PHF21B: variants seen among roughly 807,000 people sequenced by gnomAD.
PHF21B encodes the protein PHD finger protein 21B.
In PHF21B, 22 loss-of-function variants were observed where a neutral mutation model predicts 62.2. That is an observed-to-expected ratio of 0.35 (90% CI 0.25 to 0.51). The LOEUF (loss-of-function observed/expected upper bound fraction) is 0.51, where lower values mean the gene tolerates loss of function less well. PHF21B is among the 20% of genes least tolerant of loss of function. The pLI is 0.97. For missense variants in PHF21B, 701 were observed against 707.9 expected (o/e 0.99, Z 0.11); for synonymous variants, 341 against 314.7 (o/e 1.08, Z -0.88).
At chr22:44,911,609 A>G (rs945774990) in intron 5 of PHF21B, among the ~76,000 whole-genome samples, 4 of 152,238 alleles carry the variant, frequency 2.6e-5, no homozygotes, top group Admixed American at 2.6e-4. Flanking sequence ...CTGCAGGTGC[A>G]GAGAAGTCAA....
At chr22:44,922,651 A>T (rs1475119531) in intron 2 of PHF21B, among the ~76,000 whole-genome samples, 1 of 152,218 alleles carries the variant, frequency 6.6e-6, no homozygotes, top group Non-Finnish European at 1.5e-5. Flanking sequence ...AGAAAAAAAA[A>T]ATCAGTTGTG....
At chr22:44,948,952 TC>T in intron 2 of PHF21B, among the ~76,000 whole-genome samples, 1 of 152,228 alleles carries the variant, frequency 6.6e-6, no homozygotes, top group Non-Finnish European at 1.5e-5. Flanking sequence ...ACAGATCCAT[TC>T]CTTCCCAGTT....
chr22:44,916,493 G>C lies in PHF21B; in HGVS notation c.351C>G (p.Asn117Lys). The change falls in exon 4 of 13, where the codon AAC (asparagine) becomes AAG (lysine). Residue 117 changes from asparagine (N) to lysine (K), a missense_variant. By Grantham distance (94) the Asn-to-Lys change is moderately conservative. Transcript: ENST00000313237. ...KNPSPALPTA[N>K]NTVSHVPAPG... Reference sequence around the variant, plus strand: ...GCGCTGGCACATGGCTGACAGTGTTGTTGGCGGTGGGGAGGGCTGGGCTGG... The same window carrying C: ...GCGCTGGCACATGGCTGACAGTGTTCTTGGCGGTGGGGAGGGCTGGGCTGG... 6.2e-7 allele frequency: 1 copy of C among 1,607,872 alleles called. No homozygotes were observed. Among genetic ancestry groups the C allele is most frequent in the Non-Finnish European group, 8.5e-7 (1 of 1,179,202 alleles).
At chr22:44,966,488 C>T (rs1010395870) in intron 2 of PHF21B, among the ~76,000 whole-genome samples, 6 of 152,180 alleles carry the variant, frequency 3.9e-5, no homozygotes, top group African/African-American at 1.2e-4. Flanking sequence ...AAAAGACAGG[C>T]CCCAGCACTG....
intron 2 of PHF21B, among the ~76,000 whole-genome samples, chr22:44,954,172 G>T (rs1423936963): frequency 6.6e-6 from 1 of 151,978 alleles, no homozygotes; most frequent in Admixed American, 6.6e-5. Flanking sequence ...TGCATTGTAC[G>T]TTTCGTTTCT....
intron 3 of PHF21B, among the ~76,000 whole-genome samples, chr22:44,920,056 G>A (rs190666814): frequency 1.2e-4 from 19 of 152,266 alleles, no homozygotes; most frequent in African/African-American, 4.1e-4. Flanking sequence ...TACACACGAC[G>A]GAGTCACCCA....
At chr22:44,981,092 C>T (rs918847713) in intron 2 of PHF21B, among the ~76,000 whole-genome samples, 1 of 152,076 alleles carries the variant, frequency 6.6e-6, no homozygotes. Flanking sequence ...TGGGGGTTGC[C>T]GTGTCTCTGG....
intron 7 of PHF21B, among the ~76,000 whole-genome samples, 168 bp downstream of exon 7, chr22:44,893,289 A>G (rs2070998579): frequency 6.6e-6 from 1 of 152,058 alleles, no homozygotes; most frequent in Non-Finnish European, 1.5e-5. Context: ...GTCAACTCGG[A>G]GGTGATGAGA....
At chr22:44,971,391 GC>G (rs1347930677) in intron 2 of PHF21B, 1 of 152,230 alleles carries the variant, frequency 6.6e-6, no homozygotes, top group Non-Finnish European at 1.5e-5. Flanking sequence ...CCTCCTCAGG[GC>G]CATTCGGGGT....
chr22:44,923,587 G>GA (rs1343931154), intron 2 of PHF21B, among the ~76,000 whole-genome samples: 1 of 151,928 alleles, frequency 6.6e-6, no homozygotes, highest in Non-Finnish European at 1.5e-5. Context: ...CCACACCCTG[G>GA]AAAAAAACAC....
intron 2 of PHF21B, among the ~76,000 whole-genome samples, chr22:44,933,301 G>A (rs1253939638): frequency 6.6e-6 from 1 of 152,166 alleles, no homozygotes; most frequent in Admixed American, 6.5e-5. Context: ...GGTAGAGACA[G>A]GGTTTCTCCA....
At chr22:45,007,458 G>A (rs1569289930) in intron 2 of PHF21B, among the ~76,000 whole-genome samples, 1 of 146,614 alleles carries the variant, frequency 6.8e-6, no homozygotes, top group Non-Finnish European at 1.5e-5. Context: ...GGCGCGCGGG[G>A]GCGGGCCCGG....
At chr22:44,886,058 C>T (rs1352622828) in intron 10 of PHF21B, 120 bp from the exon 11 acceptor site, 10 of 855,604 alleles carry the variant, frequency 1.2e-5, no homozygotes, top group South Asian at 1.6e-5. Context: ...GGTCCTCACC[C>T]GTGACCAGGA....
Position 44,896,059 on chromosome 22 carries a change from C to G in PHF21B, c.856G>C (p.Gly286Arg). 1 of 1,614,196 alleles carries G rather than the reference C, an allele frequency of 6.2e-7. No individual in the cohort carries two copies. Among genetic ancestry groups the G allele is most frequent in the Non-Finnish European group, 8.5e-7 (1 of 1,180,026 alleles). ...TCCAAATGTTCCGTGGTAACCAGGC[C>G]TAGCGCTACCATGAAGGCGATTTTC... ...PEKIAFMVAL[G>R]LVTTEHLEEI... The change falls in exon 6 of 13, where the codon GGC (glycine) becomes CGC (arginine). Residue 286 changes from glycine to arginine, a missense_variant. Coordinates refer to ENST00000313237, the MANE Select transcript of PHF21B (RefSeq NM_138415.5).
chr22:44,956,670 T>C (rs1183002062), intron 2 of PHF21B, among the ~76,000 whole-genome samples: 3 of 152,132 alleles, frequency 2.0e-5, no homozygotes, highest in Non-Finnish European at 2.9e-5. Flanking sequence ...CCAGGAGGTC[T>C]GAAGCCCAAG....
Position 44,916,344 on chromosome 22 carries a change from G to GTGCTGGGGGCCATGGCGGCGGCAT in PHF21B, c.476_499dup (p.Asn159_Ser166dup), listed in dbSNP as rs1307054370. Reference sequence around the variant, plus strand: ...GCTGTCACTGACCACAGACACGGCGGTGCTGGGGGCCATGGCGGCGGCATT... The same window carrying GTGCTGGGGGCCATGGCGGCGGCAT: ...GCTGTCACTGACCACAGACACGGCGGTGCTGGGGGCCATGGCGGCGGCATTGCTGGGGGCCATGGCGGCGGCATT... On this transcript the variant is annotated inframe_insertion, in exon 4 of 13. Coordinates refer to ENST00000313237, the MANE Select transcript of PHF21B (RefSeq NM_138415.5). 2 of 1,598,334 alleles carry GTGCTGGGGGCCATGGCGGCGGCAT rather than the reference G, an allele frequency of 1.3e-6. No homozygotes were observed. Among genetic ancestry groups the GTGCTGGGGGCCATGGCGGCGGCAT allele is most frequent in the African/African-American group, 2.7e-5 (2 of 74,242 alleles).
At chr22:44,923,006 C>T (rs1315748386) in intron 2 of PHF21B, among the ~76,000 whole-genome samples, 1 of 151,834 alleles carries the variant, frequency 6.6e-6, no homozygotes, top group Non-Finnish European at 1.5e-5. Flanking sequence ...TATAAGGGAC[C>T]TAGAATAGCC....
At position 44,914,042 on chromosome 22, in the gene PHF21B, C is replaced by T; in HGVS notation, c.611G>A (p.Cys204Tyr). ...GGGAAGAGAGGAGGGGTGGAGGGGA[C>T]AGTGATGGGTTGCGGGGTGAGGGGA... Reference protein sequence around the residue: ...LSSPHPATHHCPLHPSSLPLT... With the variant: ...LSSPHPATHHYPLHPSSLPLT... Residue 204 changes from cysteine (C) to tyrosine (Y), a missense_variant, in exon 5 of 13, where the codon TGT becomes TAT. Coordinates refer to ENST00000313237, the MANE Select transcript of PHF21B (RefSeq NM_138415.5). 1 of 1,230,548 alleles carries T rather than the reference C, an allele frequency of 8.1e-7. No individual in the cohort carries two copies. The highest frequency in any genetic ancestry group is 1.1e-6 in the Non-Finnish European group (1 of 885,236). The allele number at this position is 1,230,548 out of a possible 1,614,324, so 76.2% of individuals were successfully genotyped here.
At chr22:44,891,262 C>A (rs757029475) in intron 8 of PHF21B, 44 bp downstream of exon 8, 4 of 1,605,752 alleles carry the variant, frequency 2.5e-6, no homozygotes, top group African/African-American at 2.7e-5. Context: ...TGACTCCCCG[C>A]GGCCCTGAGC....
Sources: gnomAD v4.1 joint callset for allele counts (sites outside exome capture counted in the v4.1 genomes callset) on GRCh38, gnomAD v4.1.1 for gene constraint, MANE v1.5 for transcripts, NCBI Gene and HGNC (gene_info 2026-07-23, HGNC 2026-07-21) for gene names.